RPS7: variants seen among roughly 807,000 people sequenced by gnomAD.
The protein encoded by RPS7 is ribosomal protein S7.
In RPS7, 1 loss-of-function variant was observed where a neutral mutation model predicts 22.1. The ratio of observed to expected loss-of-function variants is 0.05; its 90% CI spans 0.02 to 0.21. The LOEUF (loss-of-function observed/expected upper bound fraction) is 0.21, where lower values mean the gene tolerates loss of function less well. Among genes scored for constraint, RPS7 ranks in the 10% least tolerant of loss-of-function variants. The probability of loss-of-function intolerance (pLI) is 1.00; values close to 1 mark genes in which losing one functional copy is unlikely to be tolerated. For missense variants in RPS7, 137 were observed against 246.4 expected (o/e 0.56, Z 2.97); for synonymous variants, 80 against 92.0 (o/e 0.87, Z 0.74).
In RPS7 at chr2:3,575,580, C is replaced by T. The variant is rs371590906; in HGVS notation, c.-18-12C>T. On this transcript the variant is annotated splice_polypyrimidine_tract_variant and intron_variant, in intron 1 of 6. Transcript: ENST00000645674. ...AGCCCGGGCCGCGTAACGCTGACCG[C>T]TGTGCCTTCAGTTCTCCCAGGAGAA... is the stretch of plus-strand genomic sequence containing the variant. 2 of 1,597,146 alleles carry T rather than the reference C, an allele frequency of 1.3e-6. No individual in the cohort carries two copies. Among genetic ancestry groups the T allele is most frequent in the South Asian group, 1.1e-5 (1 of 90,744 alleles).
intron 2 of RPS7, 30 bp from the exon 3 acceptor site, chr2:3,575,787 G>T: frequency 6.2e-7 from 1 of 1,608,344 alleles, no homozygotes; most frequent in East Asian, 2.2e-5. Context: ...CGCGCGCTCA[G>T]GGTCGGTCCT....
At chr2:3,575,410 T>C in intron 1 of RPS7, 60 bp downstream of exon 1, 1 of 589,950 alleles carries the variant, frequency 1.7e-6, no homozygotes, top group South Asian at 2.0e-5. Context: ...AAAACGCCTT[T>C]TGGAGTCAGG....
In RPS7 at chr2:3,580,219, G is replaced by C; in HGVS notation, c.466G>C (p.Val156Leu). Residue 156 changes from valine (V) to leucine (L), a missense_variant, in exon 6 of 7, where the codon GTT (valine) becomes CTT (leucine). Physicochemically the swap from Val to Leu is conservative, Grantham distance 32. Coordinates refer to ENST00000645674, the MANE Select transcript of RPS7 (RefSeq NM_001011.4). ...VKLDGSRLIK[V>L]HLDKAQQNNV... ...ACTAGATGGCAGCCGGCTCATAAAG[G>C]TTCATTTGGACAAAGCACAGCAGAA... 6.2e-7 allele frequency: 1 copy of C among 1,613,664 alleles called. No individual in the cohort carries two copies. The highest frequency in any genetic ancestry group is 8.5e-7 in the Non-Finnish European group (1 of 1,179,868).
At chr2:3,576,098 C>G in intron 3 of RPS7, 2 of 620,578 alleles carry the variant, frequency 3.2e-6, no homozygotes, top group South Asian at 3.8e-5. Context: ...TGTCCACATG[C>G]GGGCGGTGGA....
At chr2:3,576,033 G>C (rs1572358120) in intron 3 of RPS7, 145 bp downstream of exon 3, 1 of 707,944 alleles carries the variant, frequency 1.4e-6, no homozygotes, top group Non-Finnish European at 2.6e-6. Context: ...TGTTGTTTGG[G>C]AGTGATACCG....
rs555059899 is a variant in RPS7 at position 3,576,191 on chromosome 2, G to A, written c.148-296G>A. On this transcript the variant is annotated intron_variant, in intron 3 of 6. Coordinates refer to ENST00000645674, the MANE Select transcript of RPS7 (RefSeq NM_001011.4). Reference sequence around the variant, plus strand: ...TTATAGATACGGCAAAGAGCTGTGGGGAGCTCAGGATGAGATTCTCTCTAC... The same window carrying A: ...TTATAGATACGGCAAAGAGCTGTGGAGAGCTCAGGATGAGATTCTCTCTAC... 67 of 591,520 alleles carry A rather than the reference G, an allele frequency of 1.1e-4. No individual in the cohort carries two copies. The African/African-American group carries it at 1.1e-3, about 10-fold the overall frequency. The allele number at this position is 591,520 out of a possible 1,614,324, so 36.6% of individuals were successfully genotyped here. A position where few individuals can be genotyped will look rare whatever the true frequency, so the allele number is the denominator to read the frequency against.
chr2:3,576,161 CTTAG>C (rs1661274678), intron 3 of RPS7: 5 of 594,832 alleles, frequency 8.4e-6, no homozygotes, highest in East Asian at 5.6e-5. Context: ...TTTGCCCTTA[CTTAG>C]TTATAGATAC....
At chr2:3,577,959 G>T in intron 5 of RPS7, 185 bp downstream of exon 5, 2 of 602,590 alleles carry the variant, frequency 3.3e-6, no homozygotes, top group Non-Finnish European at 5.9e-6. Context: ...ATGTATTCAT[G>T]TAGCCATTGT....
chr2:3,576,461 C>G, intron 3 of RPS7, 26 bp from the exon 4 acceptor site: 1 of 1,607,966 alleles, frequency 6.2e-7, no homozygotes, highest in Non-Finnish European at 8.5e-7. Flanking sequence ...GCAGTTAACA[C>G]AGTGGATTTT....
chr2:3,579,023 T>A (rs1661345738), intron 5 of RPS7: 1 of 152,214 alleles, frequency 6.6e-6, no homozygotes, highest in Admixed American at 6.5e-5. Flanking sequence ...TTTATCTAAC[T>A]CAGGTTAAAT....
intron 3 of RPS7, chr2:3,576,125 A>G (rs1572358183): frequency 1.6e-6 from 1 of 608,786 alleles, no homozygotes; most frequent in South Asian, 1.9e-5. Flanking sequence ...TGGAGTAGGG[A>G]GGGCCTGGGC....
Position 3,580,157 on chromosome 2 carries a change from T to C in RPS7, c.404T>C (p.Phe135Ser). The stretch of plus-strand genomic sequence containing the variant: ...GATGCCATCCTTGAGGACTTGGTCT[T>C]CCCAAGCGAAATTGTGGGCAAGAGA... ...VHDAILEDLVFPSEIVGKRIR... is the reference protein window; with the variant it reads ...VHDAILEDLVSPSEIVGKRIR... The change falls in exon 6 of 7, where the codon TTC becomes TCC. Residue 135 changes from phenylalanine (F) to serine (S), a missense_variant. Phe to Ser is a radical substitution (Grantham distance 155). Transcript: ENST00000645674. 1.2e-6 allele frequency: 2 copies of C among 1,613,580 alleles called. No individual in the cohort carries two copies. The highest frequency in any genetic ancestry group is 1.7e-6 in the Non-Finnish European group (2 of 1,179,734).
intron 4 of RPS7, chr2:3,577,176 AAT>A (rs1238777918): frequency 5.6e-6 from 1 of 179,390 alleles, no homozygotes; most frequent in East Asian, 1.4e-4. Context: ...TGTACTAAAA[AAT>A]ACAAAAAATT....
At chr2:3,576,362 C>T (rs1329188645) in intron 3 of RPS7, 125 bp from the exon 4 acceptor site, 1 of 851,460 alleles carries the variant, frequency 1.2e-6, no homozygotes, top group Non-Finnish European at 2.0e-6. Flanking sequence ...ATGATTAACT[C>T]AAAACTAGTA....
At chr2:3,577,921 G>A (rs567481729) in intron 5 of RPS7, 147 bp downstream of exon 5, 9 of 643,334 alleles carry the variant, frequency 1.4e-5, no homozygotes, top group African/African-American at 5.5e-5. Flanking sequence ...CACATGATAC[G>A]TTTTAGAATT....
chr2:3,576,529 G>C lies in RPS7; in HGVS notation c.190G>C (p.Val64Leu), dbSNP rs146580959. Residue 64 changes from valine to leucine, a missense_variant, in exon 4 of 7, where the codon GTT becomes CTT. Around this residue, in one of 2 missense-constraint regions of RPS7, gnomAD observed 74 missense variants for 171.4 expected, o/e 0.43. Transcript: ENST00000645674. The stretch of plus-strand genomic sequence containing the variant: ...TGGTCGGAAAGCTATCATAATCTTT[G>C]TTCCCGTTCCTCAACTGAAATCTTT... Reference protein sequence around the residue: ...GGGRKAIIIFVPVPQLKSFQK... With the variant: ...GGGRKAIIIFLPVPQLKSFQK... 4 of 1,613,840 alleles carry C rather than the reference G, an allele frequency of 2.5e-6. No individual in the cohort carries two copies. The highest frequency in any genetic ancestry group is 2.5e-6 in the Non-Finnish European group (3 of 1,179,852).
chr2:3,579,388 A>C (rs991225640), intron 5 of RPS7: 1 of 152,614 alleles, frequency 6.6e-6, no homozygotes, highest in African/African-American at 2.4e-5. Flanking sequence ...GCGCTGCCAG[A>C]TAGGAAATCC....
chr2:3,576,094 C>A (rs1661272268), intron 3 of RPS7: 11 of 623,332 alleles, frequency 1.8e-5, no homozygotes, highest in Non-Finnish European at 3.2e-5. Context: ...AAGCTGTCCA[C>A]ATGCGGGCGG....
intron 6 of RPS7, chr2:3,580,573 T>C (rs1484445663): frequency 1.6e-6 from 1 of 621,500 alleles, no homozygotes; most frequent in African/African-American, 1.8e-5. Context: ...GACATAACCA[T>C]GTGGGTGACT....
Sources: allele counts gnomAD v4.1 joint callset, GRCh38; gene constraint gnomAD v4.1.1; regional missense constraint gnomAD v4.1.1; transcripts MANE v1.5; gene names NCBI Gene and HGNC (gene_info 2026-07-23, HGNC 2026-07-21).